Variants in CYP3A7 observed in about 807,000 individuals in gnomAD.
The protein encoded by CYP3A7 is cytochrome P450 3A7.
In CYP3A7, 45 loss-of-function variants were observed where a neutral mutation model predicts 55.2. The observed-to-expected ratio is 0.82, with a 90% CI of 0.64 to 1.05. The LOEUF is 1.05. Ranked by LOEUF, CYP3A7 falls within the 50% of genes least tolerant of loss-of-function variation. CYP3A7 has a pLI of 0.00. For missense variants in CYP3A7, 548 were observed against 605.3 expected (o/e 0.91, Z 0.99); for synonymous variants, 180 against 207.4 (o/e 0.87, Z 1.13).
rs1813504715 is a variant in CYP3A7, at chr7:99,705,921, C to T, written c.1417-326G>A. On this transcript the variant is annotated intron_variant, in intron 12 of 12. Coordinates refer to ENST00000336374, the MANE Select transcript of CYP3A7 (RefSeq NM_000765.5). Reference sequence around the variant, plus strand: ...ATGGATGAGTTTTAAAAATTTAAACCAGATTATTAGGTATAACGGTAAACT... The same window carrying T: ...ATGGATGAGTTTTAAAAATTTAAACTAGATTATTAGGTATAACGGTAAACT... Among the ~76,000 whole-genome samples the T allele has an allele frequency of 3.9e-5, 6 of 152,148 alleles. No homozygotes were observed. In the South Asian group the frequency reaches 1.2e-3, roughly 32 times the overall value.
chr7:99,705,965 A>C (rs1813506297), intron 12 of CYP3A7, among the ~76,000 whole-genome samples: 1 of 152,174 alleles, frequency 6.6e-6, no homozygotes, highest in Non-Finnish European at 1.5e-5. Flanking sequence ...CATCTTATGA[A>C]GTTAATTTTG....
chr7:99,712,996 C>T (rs1813812769), intron 9 of CYP3A7, among the ~76,000 whole-genome samples: 1 of 152,192 alleles, frequency 6.6e-6, no homozygotes, highest in Non-Finnish European at 1.5e-5. Flanking sequence ...AACACACTTT[C>T]ACCAAAAATT....
chr7:99,726,529 T>A (rs926409839), intron 2 of CYP3A7, among the ~76,000 whole-genome samples: 1 of 152,204 alleles, frequency 6.6e-6, no homozygotes, highest in Non-Finnish European at 1.5e-5. Flanking sequence ...GATGCTTTTT[T>A]CACTATTCCC....
At chr7:99,726,543 C>T (rs1202875367) in intron 2 of CYP3A7, among the ~76,000 whole-genome samples, 11 of 152,214 alleles carry the variant, frequency 7.2e-5, no homozygotes, top group African/African-American at 2.7e-4. Flanking sequence ...TATTCCCCTG[C>T]ACCACACATC....
At chr7:99,721,756 TGTCA>T (rs1388761436) in intron 3 of CYP3A7, among the ~76,000 whole-genome samples, 2 of 152,132 alleles carry the variant, frequency 1.3e-5, no homozygotes, top group African/African-American at 4.8e-5. Flanking sequence ...TGTGTGTGTG[TGTCA>T]GTGTGTCTGT....
chr7:99,706,104 C>A (rs928742656), intron 12 of CYP3A7, among the ~76,000 whole-genome samples: 2 of 152,136 alleles, frequency 1.3e-5, no homozygotes, highest in African/African-American at 4.8e-5. Context: ...TGGGAAGACA[C>A]CTTCAGGAAG....
intron 2 of CYP3A7, among the ~76,000 whole-genome samples, chr7:99,729,116 T>G (rs1476693016): frequency 6.6e-6 from 1 of 152,152 alleles, no homozygotes; most frequent in Non-Finnish European, 1.5e-5. Context: ...CCTGGACACT[T>G]TCTAACTGGG....
chr7:99,710,916 T>G, intron 9 of CYP3A7, 24 bp from the exon 10 acceptor site: 1 of 1,613,440 alleles, frequency 6.2e-7, no homozygotes, highest in Non-Finnish European at 8.5e-7. Context: ...AAAGACATTT[T>G]AGGTAAATCA....
At position 99,709,115 on chromosome 7, in the gene CYP3A7, C is replaced by T; in HGVS notation, c.1173G>A (p.Gly391=). 1 of 1,613,898 alleles carries T rather than the reference C, an allele frequency of 6.2e-7. No homozygotes were observed. Among genetic ancestry groups the T allele is most frequent in the East Asian group, 2.2e-5 (1 of 44,854 alleles). ...VEINGMFIPK[G]VVVMIPSYVL... ...CATAGCTTGGAATCATCACCACCAC[C>T]CCTTTGGGAATAAACATCCCATTGA... Residue 391 remains glycine, a synonymous_variant, in exon 11 of 13, where the codon GGG becomes GGA. Coordinates refer to ENST00000336374, the MANE Select transcript of CYP3A7 (RefSeq NM_000765.5).
chr7:99,714,826 C>T lies in CYP3A7; in HGVS notation c.671-144G>A, dbSNP rs781255201. Reference sequence around the variant, plus strand: ...GAAGCCATTCCTTCTATGACTTTTGCCCCTCTTCCAGGCCAGTGGCTGAGC... The same window carrying T: ...GAAGCCATTCCTTCTATGACTTTTGTCCCTCTTCCAGGCCAGTGGCTGAGC... On this transcript the variant is annotated intron_variant, in intron 7 of 12. Transcript: ENST00000336374. The T allele has an allele frequency of 2.9e-4, 409 of 1,417,790 alleles. 1 individual carries two copies. The highest frequency in any genetic ancestry group is 3.5e-4 in the Non-Finnish European group (375 of 1,061,696). 87.8% of individuals were successfully genotyped at this position (1,417,790 alleles called of 1,614,324 possible). A position where few individuals can be genotyped will look rare whatever the true frequency, so the allele number is the denominator to read the frequency against.
At chr7:99,714,354 C>G (rs190178092) in intron 8 of CYP3A7, among the ~76,000 whole-genome samples, 2 of 152,226 alleles carry the variant, frequency 1.3e-5, no homozygotes, top group East Asian at 3.9e-4. Flanking sequence ...TTTAAGTGCT[C>G]TCTCTGACTC....
At chr7:99,717,718 C>A (rs374023930) in intron 4 of CYP3A7, 79 bp from the exon 5 acceptor site, 8 of 1,519,080 alleles carry the variant, frequency 5.3e-6, no homozygotes, top group African/African-American at 4.1e-5. Context: ...GTTAAACAGG[C>A]ATCATGTATT....
At chr7:99,706,154 A>G (rs886947748) in intron 12 of CYP3A7, among the ~76,000 whole-genome samples, 4 of 152,192 alleles carry the variant, frequency 2.6e-5, no homozygotes, top group African/African-American at 9.6e-5. Flanking sequence ...CTTGGTTTAC[A>G]AGGGTAGTGC....
intron 11 of CYP3A7, among the ~76,000 whole-genome samples, chr7:99,708,734 A>G (rs772754562): frequency 5.9e-5 from 9 of 152,178 alleles, no homozygotes; most frequent in Non-Finnish European, 1.3e-4. Flanking sequence ...GTGGGACATA[A>G]TAATAGCATT....
chr7:99,730,424 A>G (rs1355722534), intron 2 of CYP3A7: 1 of 152,864 alleles, frequency 6.5e-6, no homozygotes, highest in African/African-American at 2.4e-5. Context: ...AAGGAAAAGA[A>G]GTAAAGCAGA....
intron 9 of CYP3A7, among the ~76,000 whole-genome samples, chr7:99,711,348 G>A (rs1480384610): frequency 6.6e-6 from 1 of 152,226 alleles, no homozygotes; most frequent in Non-Finnish European, 1.5e-5. Context: ...ATGGCTAGAT[G>A]TATGGAAAAT....
intron 2 of CYP3A7, among the ~76,000 whole-genome samples, chr7:99,728,580 C>T (rs1814503870): frequency 6.6e-6 from 1 of 152,204 alleles, no homozygotes; most frequent in African/African-American, 2.4e-5. Context: ...CCTCTGCTTC[C>T]TCTGTGGCTC....
rs142321919 is a variant in CYP3A7, at chr7:99,731,130, G to C, written c.94C>G (p.Leu32Val). The change falls in exon 2 of 13, where the codon CTT (leucine) becomes GTT (valine). Residue 32 changes from leucine (L) to valine (V), a missense_variant. Physicochemically the swap from Leu to Val is conservative, Grantham distance 32 (BLOSUM62 1). Coordinates refer to ENST00000336374, the MANE Select transcript of CYP3A7 (RefSeq NM_000765.5). ...LYLYGTRTHG[L>V]FKKLGIPGPT... is the part of the protein sequence containing the mutation. ...CCTGGAATTCCAAGCTTCTTAAAAA[G>C]TCCATGTGTACGGGTTCCATATCTA... 6.8e-4 allele frequency: 1,102 copies of C among 1,613,748 alleles called. 1 individual carries two copies. Among genetic ancestry groups the C allele is most frequent in the Non-Finnish European group, 8.6e-4 (1,012 of 1,179,834 alleles).
At chr7:99,717,387 C>A in intron 5 of CYP3A7, 122 bp from the exon 6 acceptor site, 1 of 1,595,194 alleles carries the variant, frequency 6.3e-7, no homozygotes, top group South Asian at 1.1e-5. Context: ...GATGTGTTTT[C>A]TGTACATAAA....
Sources: allele counts gnomAD v4.1 joint callset (sites outside exome capture counted in the v4.1 genomes callset), GRCh38; gene constraint gnomAD v4.1.1; transcripts MANE v1.5; gene names NCBI Gene and HGNC (gene_info 2026-07-23, HGNC 2026-07-21).